The following PRSS22 variants were observed in gnomAD, a reference collection of about 807,000 sequenced individuals.
PRSS22 encodes brain-specific serine protease 4.
A neutral mutation model predicts 28.0 loss-of-function variants in PRSS22; 26 were observed. The observed-to-expected ratio is 0.93, with a 90% CI of 0.68 to 1.29. PRSS22 has a LOEUF of 1.29. Among genes scored for constraint, PRSS22 ranks in the 50% most tolerant of loss-of-function variants. The probability of loss-of-function intolerance (pLI) is 0.00; values close to 1 mark genes in which losing one functional copy is unlikely to be tolerated. For synonymous variants in PRSS22, 217 were observed against 177.9 expected, an observed-to-expected ratio of 1.22 and a Z score of -1.75; for missense variants, 444 against 422.1, an observed-to-expected ratio of 1.05 and a Z score of -0.46.
intron 4 of PRSS22, among the ~76,000 whole-genome samples, chr16:2,855,347 C>CAAAAAAAAAAAAAAAAAAAAAAAA (rs33950878): frequency 1.0e-4 from 7 of 69,030 alleles, no homozygotes; most frequent in Admixed American, 1.8e-4. Context: ...CACCCTGTCT[C>CAAAAAAAAAAAAAAAAAAAAAAAA]AAAAAAAAAA....
chr16:2,854,311 T>C lies in PRSS22; in HGVS notation c.560-289A>G, dbSNP rs145590342. On this transcript the variant is annotated intron_variant, in intron 4 of 5. Transcript: ENST00000161006. ...CTTCCTGTCTCAGATACTGCATTAC[T>C]TCATCCAGCACTGGGACTGCTATAG... is the stretch of plus-strand genomic sequence containing the variant. 1,024 of 356,796 alleles carry C rather than the reference T, an allele frequency of 2.9e-3. 3 individuals are homozygous for C. The highest frequency in any genetic ancestry group is 4.5e-3 in the Non-Finnish European group (850 of 190,766). The allele number at this position is 356,796 out of a possible 1,614,324, so 22.1% of individuals were successfully genotyped here.
At position 2,853,316 on chromosome 16, in the gene PRSS22, C is replaced by T; in HGVS notation, c.731G>A (p.Gly244Asp). The T allele has an allele frequency of 1.3e-6, 2 of 1,595,952 alleles. No homozygotes were observed. Among genetic ancestry groups the T allele is most frequent in the South Asian group, 1.1e-5 (1 of 90,614 alleles). Residue 244 changes from glycine (G) to aspartate (D), a missense_variant, in exon 6 of 6, where the codon GGC (glycine) becomes GAC (aspartate). Physicochemically the swap from Gly to Asp is moderately conservative, Grantham distance 94 (BLOSUM62 -1). Coordinates refer to ENST00000161006, the MANE Select transcript of PRSS22 (RefSeq NM_022119.4). The surrounding 1 kb of genome is among the most constrained non-coding windows in gnomAD (Gnocchi z 4.6). Reference sequence around the variant, plus strand: ...GCCGTCCACCTGGCACATGAGGGGGCCCCCGGAGTCGCCCTGCAGAGAGGA... The same window carrying T: ...GCCGTCCACCTGGCACATGAGGGGGTCCCCGGAGTCGCCCTGCAGAGAGGA... ...ERDACLGDSGGPLMCQVDGAW... is the reference protein window; with the variant it reads ...ERDACLGDSGDPLMCQVDGAW...
chr16:2,855,914 C>T, intron 3 of PRSS22, 63 bp from the exon 4 acceptor site: 1 of 1,563,110 alleles, frequency 6.4e-7, no homozygotes, highest in Non-Finnish European at 8.6e-7. Flanking sequence ...CCTGGGGGAA[C>T]AGCATGGGTG....
Position 2,853,724 on chromosome 16 carries a change from A to G in PRSS22, c.717+141T>C. 2 of 906,410 alleles carry G rather than the reference A, an allele frequency of 2.2e-6. No individual in the cohort carries two copies. Among genetic ancestry groups the G allele is most frequent in the Non-Finnish European group, 3.3e-6 (2 of 609,426 alleles). The allele number at this position is 906,410 out of a possible 1,614,324, so 56.1% of individuals were successfully genotyped here. The stretch of plus-strand genomic sequence containing the variant: ...GCTGAGCCAGGCTGAGGCTGGTTCT[A>G]TGGGGACCCGGGACTGTCAGGCACA... On this transcript the variant is annotated intron_variant, in intron 5 of 5. Coordinates refer to ENST00000161006, the MANE Select transcript of PRSS22 (RefSeq NM_022119.4). The surrounding 1 kb of genome is among the most constrained non-coding windows in gnomAD (Gnocchi z 4.6).
rs370625385 is a variant in PRSS22, at chr16:2,853,770, C to T, written c.717+95G>A. 1 of 1,413,992 alleles carries T rather than the reference C, an allele frequency of 7.1e-7. No individual in the cohort carries two copies. Among genetic ancestry groups the T allele is most frequent in the East Asian group, 2.3e-5 (1 of 42,874 alleles). The allele number at this position is 1,413,992 out of a possible 1,614,324, so 87.6% of individuals were successfully genotyped here. A position where few individuals can be genotyped will look rare whatever the true frequency, so the allele number is the denominator to read the frequency against. ...GCACAGCCAGTTCTGGGGAGGAGGC[C>T]AGGGAGAGGTTGTGGGGCTCAGTGG... On this transcript the variant is annotated intron_variant, in intron 5 of 5. Transcript: ENST00000161006. This position sits in a 1 kb window ranked among gnomAD's most constrained non-coding sequence, Gnocchi z 4.6.
chr16:2,853,053 TG>T lies in PRSS22; in HGVS notation c.*39del. 7.3e-7 allele frequency: 1 copy of T among 1,368,830 alleles called. No homozygotes were observed. The highest frequency in any genetic ancestry group is 9.9e-7 in the Non-Finnish European group (1 of 1,012,086). The allele number at this position is 1,368,830 out of a possible 1,614,324, so 84.8% of individuals were successfully genotyped here. On this transcript the variant is annotated 3_prime_UTR_variant, in exon 6 of 6. Transcript: ENST00000161006. This position sits in a 1 kb window ranked among gnomAD's most constrained non-coding sequence, Gnocchi z 4.6. ...GCAGATCCAGATCCAGATGTGGATCTGGCCGCCTTTCAGATCCGAGCCCCGC... is the reference window on the plus strand; with the variant it reads ...GCAGATCCAGATCCAGATGTGGATCTGCCGCCTTTCAGATCCGAGCCCCGC...
chr16:2,853,902 C>T lies in PRSS22; in HGVS notation c.680G>A (p.Cys227Tyr). 1 of 1,614,160 alleles carries T rather than the reference C, an allele frequency of 6.2e-7. No homozygotes were observed. Among genetic ancestry groups the T allele is most frequent in the Non-Finnish European group, 8.5e-7 (1 of 1,180,028 alleles). The change falls in exon 5 of 6, where the codon TGT (cysteine) becomes TAT (tyrosine). Residue 227 changes from cysteine to tyrosine, a missense_variant. By Grantham distance (194) the Cys-to-Tyr change is radical. Coordinates refer to ENST00000161006, the MANE Select transcript of PRSS22 (RefSeq NM_022119.4). The surrounding 1 kb of genome is among the most constrained non-coding windows in gnomAD (Gnocchi z 4.6). Reference sequence around the variant, plus strand: ...CCGCTCCCCCTCCAAGTAGCCGGCACACAGCATGTCCTCAGTGATGGGTCC... The same window carrying T: ...CCGCTCCCCCTCCAAGTAGCCGGCATACAGCATGTCCTCAGTGATGGGTCC... ...GQGPITEDML[C>Y]AGYLEGERDA...
At chr16:2,856,869 C>T (rs1286995996) in intron 1 of PRSS22, 21 bp from the exon 2 acceptor site, 19 of 1,551,616 alleles carry the variant, frequency 1.2e-5, no homozygotes, top group East Asian at 1.2e-4. Flanking sequence ...GAGAAGGAAA[C>T]GGTTAGGCCG....
At chr16:2,857,883 A>C (rs2069477737) in intron 1 of PRSS22, 140 bp downstream of exon 1, 1 of 553,742 alleles carries the variant, frequency 1.8e-6, no homozygotes, top group Non-Finnish European at 2.7e-6. Context: ...GGCACAGAGC[A>C]GTTAAGGAGC....
At position 2,854,034 on chromosome 16, in the gene PRSS22, G is replaced by C; in HGVS notation, c.560-12C>G. ...GTGGGGCAAGGGAACTGGGAGGAAAGAGGACAGAATCAGGTTTGGGGGTCT... is the reference window on the plus strand; with the variant it reads ...GTGGGGCAAGGGAACTGGGAGGAAACAGGACAGAATCAGGTTTGGGGGTCT... On this transcript the variant is annotated splice_polypyrimidine_tract_variant and intron_variant, in intron 4 of 5. Transcript: ENST00000161006. The C allele has an allele frequency of 1.2e-6, 2 of 1,614,100 alleles. No individual in the cohort carries two copies. The highest frequency in any genetic ancestry group is 2.2e-5 in the East Asian group (1 of 44,882).
intron 4 of PRSS22, chr16:2,854,520 G>T (rs2150827838): frequency 6.4e-6 from 1 of 156,112 alleles, no homozygotes; most frequent in East Asian, 1.9e-4. Flanking sequence ...AGAGTTACTG[G>T]GATCCCCACA....
At position 2,853,208 on chromosome 16, in the gene PRSS22, G is replaced by A; in HGVS notation, c.839C>T (p.Ala280Val). 1 of 1,600,456 alleles carries A rather than the reference G, an allele frequency of 6.2e-7. No individual in the cohort carries two copies. The highest frequency in any genetic ancestry group is 8.5e-7 in the Non-Finnish European group (1 of 1,179,702). The stretch of plus-strand genomic sequence containing the variant: ...GATCTTCTCCACCCAGGAGCGGTGC[G>A]CAGAGAGGCTGATGTAGACCCCGGG... The part of the protein sequence containing the change: ...NRPGVYISLS[A>V]HRSWVEKIVQ... Residue 280 changes from alanine to valine, a missense_variant, in exon 6 of 6, where the codon GCG becomes GTG. Coordinates refer to ENST00000161006, the MANE Select transcript of PRSS22 (RefSeq NM_022119.4). This position sits in a 1 kb window ranked among gnomAD's most constrained non-coding sequence, Gnocchi z 4.6.
chr16:2,856,187 C>T lies in PRSS22; in HGVS notation c.176G>A (p.Ser59Asn), dbSNP rs1281211951. 2 of 1,613,892 alleles carry T rather than the reference C, an allele frequency of 1.2e-6. No individual in the cohort carries two copies. The highest frequency in any genetic ancestry group is 1.7e-6 in the Non-Finnish European group (2 of 1,179,974). Reference sequence around the variant, plus strand: ...GATGCTCACGATCCAGGGCCACTCGCTGTCAGTGCTGTCCTCGCCGCCCAC... The same window carrying T: ...GATGCTCACGATCCAGGGCCACTCGTTGTCAGTGCTGTCCTCGCCGCCCAC... ...RVVGGEDSTD[S>N]EWPWIVSIQK... The change falls in exon 3 of 6, where the codon AGC (serine) becomes AAC (asparagine). Residue 59 changes from serine to asparagine, a missense_variant. Ser to Asn is a conservative substitution (Grantham distance 46). Coordinates refer to ENST00000161006, the MANE Select transcript of PRSS22 (RefSeq NM_022119.4).
rs760904013 is a variant in PRSS22 at position 2,853,246 on chromosome 16, G to T, written c.801C>A (p.Ala267=). Residue 267 remains alanine, a synonymous_variant, in exon 6 of 6, where the codon GCC becomes GCA. Transcript: ENST00000161006. The surrounding 1 kb of genome is among the most constrained non-coding windows in gnomAD (Gnocchi z 4.6). ...TGTAGACCCCGGGCCTGTTGCGCTC[G>T]GCACAGCCCTCGCCCCAGCTGATGA... is the stretch of plus-strand genomic sequence containing the variant. ...AGIISWGEGC[A]ERNRPGVYIS... 3.1e-6 allele frequency: 5 copies of T among 1,600,880 alleles called. No homozygotes were observed. The East Asian group carries it at 1.1e-4, about 36-fold the overall frequency.
intron 2 of PRSS22, 27 bp from the exon 3 acceptor site, chr16:2,856,280 T>C (rs1277559608): frequency 6.2e-7 from 1 of 1,610,854 alleles, no homozygotes; most frequent in Non-Finnish European, 8.5e-7. Context: ...AGTTTTGTTA[T>C]CTCCAACTTC....
intron 4 of PRSS22, among the ~76,000 whole-genome samples, chr16:2,855,202 G>T (rs984851008): frequency 6.6e-6 from 1 of 151,816 alleles, no homozygotes; most frequent in Non-Finnish European, 1.5e-5. Flanking sequence ...ACAAAAATTA[G>T]CCAGGTGTGG....
intron 2 of PRSS22, 33 bp downstream of exon 2, chr16:2,856,789 C>T (rs1596326599): frequency 1.9e-6 from 3 of 1,551,572 alleles, no homozygotes; most frequent in Non-Finnish European, 2.6e-6. Context: ...CTCCTCCCTT[C>T]TCCCTCCCGT....
At chr16:2,856,477 C>G (rs567923235) in intron 2 of PRSS22, among the ~76,000 whole-genome samples, 1 of 152,058 alleles carries the variant, frequency 6.6e-6, no homozygotes, top group African/African-American at 2.4e-5. Flanking sequence ...CGCCCACCTC[C>G]CCGTCCCATC....
At position 2,853,021 on chromosome 16, in the gene PRSS22, G is replaced by C. The variant is rs2069418862; in HGVS notation, c.*72C>G. The C allele has an allele frequency of 1.9e-6, 2 of 1,070,270 alleles. No individual in the cohort carries two copies. The highest frequency in any genetic ancestry group is 2.6e-6 in the Non-Finnish European group (2 of 770,524). The allele number at this position is 1,070,270 out of a possible 1,614,324, so 66.3% of individuals were successfully genotyped here. A position where few individuals can be genotyped will look rare whatever the true frequency, so the allele number is the denominator to read the frequency against. ...ATTTACGGCGGGGGAAACCGCCCGAGGCCGCCGCAGATCCAGATCCAGATG... is the reference window on the plus strand; with the variant it reads ...ATTTACGGCGGGGGAAACCGCCCGACGCCGCCGCAGATCCAGATCCAGATG... On this transcript the variant is annotated 3_prime_UTR_variant, in exon 6 of 6. Coordinates refer to ENST00000161006, the MANE Select transcript of PRSS22 (RefSeq NM_022119.4). This position sits in a 1 kb window ranked among gnomAD's most constrained non-coding sequence, Gnocchi z 4.6.
Sources: gnomAD v4.1 joint callset for allele counts (sites outside exome capture counted in the v4.1 genomes callset) on GRCh38, gnomAD v4.1.1 for gene constraint, Gnocchi (gnomAD v3.1) non-coding constraint, MANE v1.5 for transcripts, NCBI Gene and HGNC (gene_info 2026-07-23, HGNC 2026-07-21) for gene names.